PLEKHG1: variants seen among roughly 807,000 people sequenced by gnomAD.
The protein encoded by PLEKHG1 is pleckstrin homology and RhoGEF domain containing G1, also known as pleckstrin homology domain-containing family G member 1.
Under a neutral mutation model 100.8 loss-of-function variants are expected in PLEKHG1, and 44 were observed. The observed-to-expected ratio is 0.44, with a 90% CI of 0.34 to 0.56. PLEKHG1 has a LOEUF of 0.56. Among genes scored for constraint, PLEKHG1 ranks in the 20% least tolerant of loss-of-function variants. PLEKHG1 has a pLI of 0.01. For synonymous variants in PLEKHG1, 640 were observed against 662.5 expected (o/e 0.97, Z 0.52); for missense variants, 1,545 against 1,720.9 (o/e 0.90, Z 1.81).
At chr6:150,617,794 C>A (rs1777133148) in intron 1 of PLEKHG1, among the ~76,000 whole-genome samples, 1 of 152,198 alleles carries the variant, frequency 6.6e-6, no homozygotes, top group African/African-American at 2.4e-5. Context: ...ATTTGACAGA[C>A]AAACCTATTG....
chr6:150,674,682 T>TCTCTC (rs1455673564), intron 3 of PLEKHG1, among the ~76,000 whole-genome samples: 22 of 104,294 alleles, frequency 2.1e-4, no homozygotes, highest in African/African-American at 6.3e-4. Context: ...TCTCTCTCTC[T>TCTCTC]CCCCCCTCTT....
chr6:150,629,246 A>T (rs888762770), intron 1 of PLEKHG1, among the ~76,000 whole-genome samples: 1 of 152,092 alleles, frequency 6.6e-6, no homozygotes, highest in Non-Finnish European at 1.5e-5. Context: ...TCTTTGACTC[A>T]TTTTTCGGAT....
chr6:150,608,603 T>G (rs574614166), intron 1 of PLEKHG1, among the ~76,000 whole-genome samples: 163 of 152,358 alleles, frequency 1.1e-3, no homozygotes, highest in Non-Finnish European at 2.0e-3. Flanking sequence ...ATATCTTTAA[T>G]GAGAAAATTA....
At chr6:150,802,952 G>T (rs1786800770) in intron 6 of PLEKHG1, among the ~76,000 whole-genome samples, 1 of 152,066 alleles carries the variant, frequency 6.6e-6, no homozygotes, top group Non-Finnish European at 1.5e-5. Flanking sequence ...GAGCCACCGT[G>T]CCTGGCCCAT....
chr6:150,728,903 GA>G, intron 1 of PLEKHG1, among the ~76,000 whole-genome samples: 1 of 151,104 alleles, frequency 6.6e-6, no homozygotes, highest in East Asian at 1.9e-4. Flanking sequence ...TCTCAAAAAA[GA>G]AAAAAAAGTA....
chr6:150,699,248 A>G (rs964987803), intron 3 of PLEKHG1, among the ~76,000 whole-genome samples: 1 of 152,176 alleles, frequency 6.6e-6, no homozygotes, highest in Non-Finnish European at 1.5e-5. Context: ...ACTTATTTCA[A>G]AATAAAAAGT....
At chr6:150,674,672 T>TCTCC (rs1562427683) in intron 3 of PLEKHG1, among the ~76,000 whole-genome samples, 1 of 144,340 alleles carries the variant, frequency 6.9e-6, no homozygotes, top group Non-Finnish European at 1.5e-5. Context: ...TCTCTCTCTC[T>TCTCC]CTCTCTCTCT....
At chr6:150,841,083 A>G (rs2128695462) in exon 16 of PLEKHG1, 1 of 696,638 alleles carries the variant, frequency 1.4e-6, no homozygotes, top group South Asian at 1.5e-5. Context: ...GTACTGTAGC[A>G]CATGTTGGCA....
chr6:150,644,334 G>GGTTTTTTTTTTTTTTTTTTTT (rs1554255840), intron 2 of PLEKHG1, among the ~76,000 whole-genome samples: 11 of 117,600 alleles, frequency 9.4e-5, no homozygotes, highest in Admixed American at 1.9e-4. Context: ...TTCTTTTCGT[G>GGTTTTTTTTTTTTTTTTTTTT]TTTTTTTTTT....
chr6:150,738,916 A>G (rs1782705589), intron 2 of PLEKHG1, among the ~76,000 whole-genome samples: 1 of 152,236 alleles, frequency 6.6e-6, no homozygotes, highest in African/African-American at 2.4e-5. Flanking sequence ...TAAATTGCCA[A>G]TGATACAATT....
chr6:150,616,250 C>T (rs760460432), intron 1 of PLEKHG1, among the ~76,000 whole-genome samples: 1 of 152,212 alleles, frequency 6.6e-6, no homozygotes, highest in African/African-American at 2.4e-5. Context: ...AGACCAAGTT[C>T]TCTTATCTTA....
At chr6:150,728,741 C>T (rs964537247) in intron 1 of PLEKHG1, among the ~76,000 whole-genome samples, 2 of 151,782 alleles carry the variant, frequency 1.3e-5, no homozygotes, top group African/African-American at 4.8e-5. Context: ...ACTAAAAGTA[C>T]AAAAATTAGC....
chr6:150,801,819 T>C (rs976180377), intron 6 of PLEKHG1, among the ~76,000 whole-genome samples: 1 of 150,766 alleles, frequency 6.6e-6, no homozygotes, highest in Admixed American at 6.6e-5. Context: ...TTTCATTCTG[T>C]AAGTAGGGCT....
intron 3 of PLEKHG1, among the ~76,000 whole-genome samples, chr6:150,657,214 G>A (rs146314539): frequency 9.9e-5 from 15 of 152,158 alleles, no homozygotes; most frequent in Non-Finnish European, 2.2e-4. Flanking sequence ...AGTTGTTATT[G>A]ATAACTTCAT....
At position 150,795,762 on chromosome 6, in the gene PLEKHG1, T is replaced by A. The variant is rs146368670; in HGVS notation, c.583-94T>A. 1,098 of 693,036 alleles carry A rather than the reference T, an allele frequency of 1.6e-3. 16 individuals carry two copies. In the East Asian group the frequency reaches 0.027, roughly 17 times the overall value. The allele number at this position is 693,036 out of a possible 1,614,324, so 42.9% of individuals were successfully genotyped here. A position where few individuals can be genotyped will look rare whatever the true frequency, so the allele number is the denominator to read the frequency against. On this transcript the variant is annotated intron_variant, in intron 4 of 15. Transcript: ENST00000358517. ...AAACATATATATATATATATAAATG[T>A]CAAGGCCCGAATGCTATTTCTTTTT...
At chr6:150,739,685 CAAAA>C (rs760527682) in intron 2 of PLEKHG1, among the ~76,000 whole-genome samples, 1 of 150,514 alleles carries the variant, frequency 6.6e-6, no homozygotes, top group Admixed American at 6.6e-5. Flanking sequence ...AACAAAAAAA[CAAAA>C]AAAACCATAA....
chr6:150,624,420 C>T (rs1264317945), intron 1 of PLEKHG1, among the ~76,000 whole-genome samples: 1 of 152,292 alleles, frequency 6.6e-6, no homozygotes, highest in Non-Finnish European at 1.5e-5. Flanking sequence ...TCTTACTCTT[C>T]ATGAGTAAAG....
intron 6 of PLEKHG1, 59 bp from the exon 8 acceptor site, chr6:150,804,551 C>T: frequency 1.5e-6 from 2 of 1,376,406 alleles, no homozygotes; most frequent in Non-Finnish European, 2.0e-6. Context: ...CCATTTGTTT[C>T]ACTGTCTATA....
At chr6:150,773,666 A>G (rs980062208) in intron 3 of PLEKHG1, among the ~76,000 whole-genome samples, 2 of 152,072 alleles carry the variant, frequency 1.3e-5, no homozygotes, top group African/African-American at 4.8e-5. Context: ...CTTCTTCAAC[A>G]CTGGCTTAGA....
Sources: gnomAD v4.1 joint callset for allele counts (sites outside exome capture counted in the v4.1 genomes callset) on GRCh38, gnomAD v4.1.1 for gene constraint, MANE v1.5 for transcripts, NCBI Gene and HGNC (gene_info 2026-07-23, HGNC 2026-07-21) for gene names.